Variants in FAM135B observed in about 807,000 individuals in gnomAD.
FAM135B encodes the protein protein FAM135B.
In FAM135B, 43 loss-of-function variants were observed where a neutral mutation model predicts 127.7. The observed-to-expected ratio is 0.34, with a 90% confidence interval of 0.26 to 0.43. The LOEUF (loss-of-function observed/expected upper bound fraction) is 0.43. Ranked by LOEUF, FAM135B falls within the 20% of genes least tolerant of loss-of-function variation. FAM135B has a pLI of 1.00. For synonymous variants in FAM135B, 670 were observed against 665.1 expected (o/e 1.01, Z -0.11); for missense variants, 1,558 against 1,725.6 (o/e 0.90, Z 1.72).
In FAM135B at chr8:138,289,843, A is replaced by C. The variant is rs55985481; in HGVS notation, c.157+20998T>G. ...ACTTTTGTTGTTGTTGCTTGTTTTC[A>C]TTTTTATCTCATTTAGTGATTAAGG... On this transcript the variant is annotated intron_variant, in intron 3 of 19. Transcript: ENST00000395297. Among the ~76,000 whole-genome samples the C allele has an allele frequency of 5.7e-3, 860 of 152,190 alleles. 5 individuals are homozygous for C. The highest frequency in any genetic ancestry group is 0.02 in the African/African-American group (812 of 41,530).
At chr8:138,478,813 C>T (rs1186625879) in intron 1 of FAM135B, among the ~76,000 whole-genome samples, 1 of 152,234 alleles carries the variant, frequency 6.6e-6, no homozygotes, top group South Asian at 2.1e-4. Context: ...TTTCAATACA[C>T]TCACAGATAA....
At chr8:138,192,775 C>A (rs1252876157) in intron 9 of FAM135B, among the ~76,000 whole-genome samples, 1 of 152,198 alleles carries the variant, frequency 6.6e-6, no homozygotes, top group Non-Finnish European at 1.5e-5. Context: ...CAATAAAACT[C>A]AGGGCTTCTG....
chr8:138,313,980 C>T (rs1826886159), intron 2 of FAM135B, among the ~76,000 whole-genome samples: 1 of 151,870 alleles, frequency 6.6e-6, no homozygotes, highest in African/African-American at 2.4e-5. Context: ...TATTTAGTCT[C>T]ACATATTTGT....
At chr8:138,265,125 C>T (rs188255442) in intron 4 of FAM135B, among the ~76,000 whole-genome samples, 11 of 152,286 alleles carry the variant, frequency 7.2e-5, no homozygotes, top group African/African-American at 1.9e-4. Context: ...TCCCCTTGTT[C>T]GATGCCCTTC....
intron 2 of FAM135B, among the ~76,000 whole-genome samples, chr8:138,325,808 T>C (rs142305769): frequency 6.6e-6 from 1 of 152,306 alleles, no homozygotes; most frequent in Non-Finnish European, 1.5e-5. Flanking sequence ...TAAAGCAAAC[T>C]AACTCTCTGA....
chr8:138,167,527 A>G (rs1820045134), intron 12 of FAM135B, among the ~76,000 whole-genome samples: 1 of 152,120 alleles, frequency 6.6e-6, no homozygotes, highest in South Asian at 2.1e-4. Flanking sequence ...TTCACCTGGA[A>G]ATCATATTTA....
chr8:138,408,092 G>A (rs896801454), intron 1 of FAM135B, among the ~76,000 whole-genome samples: 23 of 152,160 alleles, frequency 1.5e-4, no homozygotes, highest in African/African-American at 5.3e-4. Context: ...AGGATTTTTG[G>A]AACGGGAAAT....
chr8:138,231,628 CAA>C (rs1819915115), intron 7 of FAM135B, among the ~76,000 whole-genome samples: 1 of 152,126 alleles, frequency 6.6e-6, no homozygotes, highest in Non-Finnish European at 1.5e-5. Flanking sequence ...AAAAGTGACT[CAA>C]AGTGGACAAA....
At position 138,378,752 on chromosome 8, in the gene FAM135B, T is replaced by C. The variant is rs1443689094; in HGVS notation, c.-19-10750A>G. ...ATGTTTGCTTTTTTTTTTTCACATCTGAAGACAGTGCAAATAGAAGCATCC... is the reference window on the plus strand; with the variant it reads ...ATGTTTGCTTTTTTTTTTTCACATCCGAAGACAGTGCAAATAGAAGCATCC... On this transcript the variant is annotated intron_variant, in intron 1 of 19. Transcript: ENST00000395297. Among the ~76,000 whole-genome samples, 3 of 152,116 alleles carry C rather than the reference T, an allele frequency of 2.0e-5. No homozygotes were observed. In the East Asian group the frequency reaches 5.8e-4, roughly 29 times the overall value.
At chr8:138,202,891 G>T (rs948350961) in intron 7 of FAM135B, among the ~76,000 whole-genome samples, 9 of 152,096 alleles carry the variant, frequency 5.9e-5, no homozygotes, top group African/African-American at 2.2e-4. Flanking sequence ...GACACAGTTT[G>T]GTTTGAAGGC....
intron 3 of FAM135B, among the ~76,000 whole-genome samples, chr8:138,297,259 G>A (rs1174006127): frequency 3.3e-5 from 5 of 152,204 alleles, no homozygotes; most frequent in East Asian, 1.9e-4. Flanking sequence ...AGCCGCTGCC[G>A]TTTGAATATT....
At chr8:138,360,108 A>G (rs1404287826) in intron 2 of FAM135B, among the ~76,000 whole-genome samples, 1 of 152,214 alleles carries the variant, frequency 6.6e-6, no homozygotes, top group Admixed American at 6.5e-5. Flanking sequence ...AAGACAGGGG[A>G]TGAATCTCAA....
chr8:138,349,722 CAATAGA>C (rs1187569095), intron 2 of FAM135B, among the ~76,000 whole-genome samples: 1 of 152,092 alleles, frequency 6.6e-6, no homozygotes, highest in Non-Finnish European at 1.5e-5. Context: ...GACAAACTCT[CAATAGA>C]GGTAGTTTTG....
chr8:138,131,114 T>C lies in FAM135B; in HGVS notation c.*1479A>G, dbSNP rs556125187. 2 of 152,318 alleles carry C rather than the reference T, an allele frequency of 1.3e-5. No individual in the cohort carries two copies. Among genetic ancestry groups the C allele is most frequent in the African/African-American group, 4.8e-5 (2 of 41,580 alleles). 9.4% of individuals were successfully genotyped at this position (152,318 alleles called of 1,614,324 possible). ...CATAAGAGGATCTAAAATTCTCAAA[T>C]GAGCTTAGATTTACTTGGTTTTGTT... On this transcript the variant is annotated 3_prime_UTR_variant, in exon 20 of 20. Coordinates refer to ENST00000395297, the MANE Select transcript of FAM135B (RefSeq NM_015912.4).
intron 1 of FAM135B, among the ~76,000 whole-genome samples, chr8:138,486,007 T>C (rs1214580949): frequency 2.0e-5 from 3 of 151,978 alleles, no homozygotes; most frequent in African/African-American, 7.2e-5. Context: ...TCCTAGGTAA[T>C]TGCAGAAGTG....
At position 138,185,474 on chromosome 8, in the gene FAM135B, G is replaced by A. The variant is rs78079906; in HGVS notation, c.874-6784C>T. On this transcript the variant is annotated intron_variant, in intron 9 of 19. Transcript: ENST00000395297. The stretch of plus-strand genomic sequence containing the variant: ...TGTTAAATGAAACAATGCATTTAAA[G>A]ACCCTCTGACAAGAGGACTGGTCAA... Among the ~76,000 whole-genome samples the A allele has an allele frequency of 2.1e-3, 326 of 152,230 alleles. 1 individual carries two copies. The highest frequency in any genetic ancestry group is 7.3e-3 in the African/African-American group (305 of 41,534).
intron 1 of FAM135B, chr8:138,477,224 C>G (rs1324889232): frequency 6.6e-6 from 1 of 152,218 alleles, no homozygotes; most frequent in Non-Finnish European, 1.5e-5. Context: ...GAACCCACTC[C>G]CCTTTTACCC....
chr8:138,408,994 A>G (rs1297249647), intron 1 of FAM135B, among the ~76,000 whole-genome samples: 1 of 152,196 alleles, frequency 6.6e-6, no homozygotes, highest in Non-Finnish European at 1.5e-5. Flanking sequence ...TAACTGAAAA[A>G]GTGATTTTAA....
intron 11 of FAM135B, among the ~76,000 whole-genome samples, chr8:138,168,605 A>T (rs1820155761): frequency 6.6e-6 from 1 of 152,176 alleles, no homozygotes; most frequent in African/African-American, 2.4e-5. Flanking sequence ...TAAGATGAAG[A>T]AAAAATGTCC....
Sources: allele counts gnomAD v4.1 joint callset (sites outside exome capture counted in the v4.1 genomes callset), GRCh38; gene constraint gnomAD v4.1.1; transcripts MANE v1.5; gene names NCBI Gene and HGNC (gene_info 2026-07-23, HGNC 2026-07-21).